Variants in TRIM29 observed in about 807,000 individuals in gnomAD.
TRIM29 encodes tripartite motif containing 29.
Under a neutral mutation model 57.3 loss-of-function variants are expected in TRIM29, and 52 were observed. The ratio of observed to expected loss-of-function variants is 0.91; its 90% CI spans 0.73 to 1.14. TRIM29 has a LOEUF of 1.14. Among genes scored for constraint, TRIM29 ranks in the 50% most tolerant of loss-of-function variants. The pLI is 0.00. For missense variants in TRIM29, 753 were observed against 774.6 expected (o/e 0.97, Z 0.33); for synonymous variants, 319 against 316.9 (o/e 1.01, Z -0.07).
rs757245141 is a variant in TRIM29, at chr11:120,123,040, T to C, written c.1349A>G (p.Tyr450Cys). The C allele has an allele frequency of 5.0e-6, 8 of 1,613,930 alleles. No individual in the cohort carries two copies. Among genetic ancestry groups the C allele is most frequent in the African/African-American group, 4.0e-5 (3 of 74,876 alleles). Residue 450 changes from tyrosine (Y) to cysteine (C), a missense_variant, in exon 5 of 9, where the codon TAT becomes TGT. Transcript: ENST00000341846. ...NHMENGGDHRYVNNYTNSFGG... is the reference protein window; with the variant it reads ...NHMENGGDHRCVNNYTNSFGG... ...GAAGCTGTTCGTGTAGTTGTTCACATAGCGATGGTCACCACCTAGGAAGCA... is the reference window on the plus strand; with the variant it reads ...GAAGCTGTTCGTGTAGTTGTTCACACAGCGATGGTCACCACCTAGGAAGCA...
rs749505381 is a variant in TRIM29 at position 120,138,065 on chromosome 11, C to G, written c.-34G>C. On this transcript the variant is annotated 5_prime_UTR_variant, in exon 1 of 9. Transcript: ENST00000341846. ...GCTTGGCTGAGCTGTTTCAGGCTTG[C>G]TGGGGTTCAGGATAGGTGACCTTTC... The G allele has an allele frequency of 3.5e-5, 55 of 1,552,920 alleles. No homozygotes were observed. The highest frequency in any genetic ancestry group is 4.5e-5 in the Non-Finnish European group (52 of 1,156,698).
intron 1 of TRIM29, among the ~76,000 whole-genome samples, chr11:120,136,136 C>T (rs768996669): frequency 6.6e-6 from 1 of 152,174 alleles, no homozygotes; most frequent in Non-Finnish European, 1.5e-5. Context: ...TCCACAAAGG[C>T]ACAAAAACAC....
At chr11:120,136,653 T>C (rs1181494734) in intron 1 of TRIM29, among the ~76,000 whole-genome samples, 1 of 151,814 alleles carries the variant, frequency 6.6e-6, no homozygotes, top group Non-Finnish European at 1.5e-5. Flanking sequence ...TGTACGACAA[T>C]AAAAACTACA....
At chr11:120,128,658 C>T in intron 1 of TRIM29, 163 bp from the exon 2 acceptor site, 2 of 1,531,870 alleles carry the variant, frequency 1.3e-6, no homozygotes, top group East Asian at 2.4e-5. Flanking sequence ...CTCGGATATG[C>T]CAGGCACCAT....
In TRIM29 at chr11:120,120,047, C is replaced by G. The variant is rs532851812; in HGVS notation, c.1528+526G>C. Among the ~76,000 whole-genome samples, 21 of 152,230 alleles carry G rather than the reference C, an allele frequency of 1.4e-4. No homozygotes were observed. The South Asian group carries it at 4.4e-3, about 32-fold the overall frequency. ...CCACCTGGAGCTCCAGGGCCAGCCC[C>G]ATTTCCTGCCGTGCCTTCCTTTCCA... On this transcript the variant is annotated intron_variant, in intron 6 of 8. Transcript: ENST00000341846.
intron 1 of TRIM29, among the ~76,000 whole-genome samples, chr11:120,132,355 C>T (rs928598509): frequency 2.6e-5 from 4 of 152,104 alleles, no homozygotes; most frequent in African/African-American, 9.7e-5. Flanking sequence ...CCGCCCTGCC[C>T]ACACCTCCCT....
Position 120,137,929 on chromosome 11 carries a change from C to T in TRIM29, c.103G>A (p.Ala35Thr), listed in dbSNP as rs916848352. ...GTGGTCTTGGCATCCTTGCCGTCAG[C>T]CTTGGTGCCATTCTCCAGGCTGCCA... ...PSGSLENGTK[A>T]DGKDAKTTNG... Residue 35 changes from alanine to threonine, a missense_variant, in exon 1 of 9, where the codon GCT (alanine) becomes ACT (threonine). Ala to Thr is a moderately conservative substitution (Grantham distance 58). Transcript: ENST00000341846. The surrounding 1 kb of genome is among the most constrained non-coding windows in gnomAD (Gnocchi z 6.2). 2.1e-5 allele frequency: 34 copies of T among 1,609,300 alleles called. No individual in the cohort carries two copies. The highest frequency in any genetic ancestry group is 2.9e-5 in the Non-Finnish European group (34 of 1,179,996).
intron 5 of TRIM29, 95 bp from the exon 6 acceptor site, chr11:120,120,760 T>G: frequency 1.0e-6 from 1 of 1,002,310 alleles, no homozygotes; most frequent in South Asian, 1.4e-5. Context: ...TCACAGGACC[T>G]GGATTCCACC....
chr11:120,133,037 G>A (rs980601384), intron 1 of TRIM29, among the ~76,000 whole-genome samples: 7 of 152,112 alleles, frequency 4.6e-5, no homozygotes, highest in Admixed American at 1.3e-4. Flanking sequence ...AGATGGGGAC[G>A]CAGGCACAGT....
intron 5 of TRIM29, among the ~76,000 whole-genome samples, chr11:120,122,616 C>G (rs565979647): frequency 6.6e-6 from 1 of 152,264 alleles, no homozygotes; most frequent in South Asian, 2.1e-4. Context: ...CAGAAGGGAG[C>G]CCAGGAGACC....
At chr11:120,127,036 ACT>A (rs1172407375) in intron 3 of TRIM29, among the ~76,000 whole-genome samples, 1 of 152,030 alleles carries the variant, frequency 6.6e-6, no homozygotes, top group Non-Finnish European at 1.5e-5. Context: ...TGATCTCACA[ACT>A]CTTTCCTACT....
intron 1 of TRIM29, among the ~76,000 whole-genome samples, chr11:120,134,018 G>C (rs1043240259): frequency 8.6e-5 from 13 of 152,040 alleles, no homozygotes; most frequent in African/African-American, 3.1e-4. Context: ...GCTTGAGATA[G>C]GCAGAAGGAA....
intron 5 of TRIM29, chr11:120,121,644 T>C (rs79697730): frequency 0.031 from 6,010 of 192,194 alleles, 172 homozygotes; most frequent in Non-Finnish European, 0.045. Context: ...TCTCTTCAGA[T>C]ACAGGTACTG....
chr11:120,128,367 G>C (rs1391254169), intron 2 of TRIM29, 33 bp downstream of exon 2: 1 of 1,602,638 alleles, frequency 6.2e-7, no homozygotes, highest in Non-Finnish European at 8.5e-7. Context: ...GGTCGGGTAA[G>C]GGAGCAGCAA....
chr11:120,119,040 A>T (rs1376605032), intron 6 of TRIM29, among the ~76,000 whole-genome samples: 1 of 152,178 alleles, frequency 6.6e-6, no homozygotes. Context: ...TGATGGATAG[A>T]ATGCATGAAC....
chr11:120,122,736 G>T (rs1271417320), intron 5 of TRIM29, among the ~76,000 whole-genome samples: 1 of 152,172 alleles, frequency 6.6e-6, no homozygotes, highest in African/African-American at 2.4e-5. Flanking sequence ...GCTGGCACCA[G>T]GTAACTTCTC....
chr11:120,128,409 G>A lies in TRIM29; in HGVS notation c.891C>T (p.Asp297=), dbSNP rs879300473. Residue 297 remains aspartate, a synonymous_variant, in exon 2 of 9, where the codon GAC becomes GAT. Coordinates refer to ENST00000341846, the MANE Select transcript of TRIM29 (RefSeq NM_012101.4). ...CTTGGGGGCTGCTCACCTTGATGCG[G>A]TCCTTCTCCTTCTGCCACTTCTCAG... The part of the protein sequence containing the change: ...DEAEKWQKEK[D]RIKSFTTNEK... The A allele has an allele frequency of 1.6e-5, 26 of 1,611,790 alleles. No individual in the cohort carries two copies. Among genetic ancestry groups the A allele is most frequent in the Non-Finnish European group, 2.0e-5 (24 of 1,180,012 alleles).
chr11:120,120,175 G>C (rs866407234), intron 6 of TRIM29, among the ~76,000 whole-genome samples: 22 of 120,064 alleles, frequency 1.8e-4, no homozygotes, highest in East Asian at 7.7e-4. Flanking sequence ...ATACTTGTGG[G>C]GGGGGTGGCG....
At chr11:120,124,134 A>T (rs1294358956) in intron 4 of TRIM29, 1 of 154,414 alleles carries the variant, frequency 6.5e-6, no homozygotes, top group African/African-American at 2.4e-5. Context: ...AGCAGTGCCC[A>T]TCCCTGCTCC....
Sources: gnomAD v4.1 joint callset for allele counts (sites outside exome capture counted in the v4.1 genomes callset) on GRCh38, gnomAD v4.1.1 for gene constraint, Gnocchi (gnomAD v3.1) non-coding constraint, MANE v1.5 for transcripts, NCBI Gene and HGNC (gene_info 2026-07-23, HGNC 2026-07-21) for gene names.